CEP97: variants seen among roughly 807,000 people sequenced by gnomAD.
CEP97 encodes centrosomal protein 97.
In CEP97, 43 loss-of-function variants were observed where a neutral mutation model predicts 73.1. The ratio of observed to expected loss-of-function variants is 0.59; its 90% CI spans 0.46 to 0.76. The LOEUF is 0.76. Ranked by LOEUF, CEP97 falls within the 30% of genes least tolerant of loss-of-function variation. CEP97 has a pLI of 0.00. For synonymous variants in CEP97, 337 were observed against 370.0 expected, an observed-to-expected ratio of 0.91 and a Z score of 1.02; for missense variants, 939 against 1,014.0, an observed-to-expected ratio of 0.93 and a Z score of 1.00.
intron 6 of CEP97, among the ~76,000 whole-genome samples, chr3:101,754,166 G>A (rs1031868843): frequency 6.8e-6 from 1 of 146,848 alleles, no homozygotes; most frequent in Non-Finnish European, 1.5e-5. Context: ...GGGATTACAA[G>A]CATAAGCCAC....
chr3:101,760,042 A>AAAAAG (rs1939128311), intron 9 of CEP97, among the ~76,000 whole-genome samples: 1 of 137,574 alleles, frequency 7.3e-6, no homozygotes, highest in Non-Finnish European at 1.6e-5. Flanking sequence ...AAAAAAAAAA[A>AAAAAG]AAAAGAGGAA....
chr3:101,730,379 C>G (rs974051559), intron 4 of CEP97, among the ~76,000 whole-genome samples: 1 of 152,094 alleles, frequency 6.6e-6, no homozygotes, highest in Non-Finnish European at 1.5e-5. Flanking sequence ...GATTCTCCTG[C>G]CTCAGCCTCC....
chr3:101,757,792 T>A lies in CEP97; in HGVS notation c.1186T>A (p.Cys396Ser), dbSNP rs113563380. 8.7e-5 allele frequency: 141 copies of A among 1,614,254 alleles called. 1 individual carries two copies. The East Asian group carries it at 2.9e-3, about 33-fold the overall frequency. The change falls in exon 9 of 11, where the codon TGT (cysteine) becomes AGT (serine). Residue 396 changes from cysteine to serine, a missense_variant. Physicochemically the swap from Cys to Ser is moderately radical, Grantham distance 112. Transcript: ENST00000341893. ...ACAGACGGATGAGGACAAGTTAAAC[T>A]GTAGTCTTCTCTCTTCAGAGTCTAC... is the stretch of plus-strand genomic sequence containing the variant. Reference protein sequence around the residue: ...DIQTDEDKLNCSLLSSESTFM... With the variant: ...DIQTDEDKLNSSLLSSESTFM...
chr3:101,734,760 A>C (rs1338787518), intron 6 of CEP97, among the ~76,000 whole-genome samples: 1 of 152,162 alleles, frequency 6.6e-6, no homozygotes. Flanking sequence ...TACTTGGATA[A>C]TCCTCTGTAC....
At chr3:101,731,451 T>C (rs921873239) in intron 4 of CEP97, among the ~76,000 whole-genome samples, 3 of 152,146 alleles carry the variant, frequency 2.0e-5, no homozygotes, top group African/African-American at 4.8e-5. Context: ...TCTTCCCTCC[T>C]TGGCCTCCCA....
chr3:101,758,707 T>C (rs1298310491), intron 9 of CEP97: 1 of 328,246 alleles, frequency 3.0e-6, no homozygotes, highest in Non-Finnish European at 5.6e-6. Context: ...ATTCTAAACA[T>C]AGAAAGGTAC....
Position 101,757,978 on chromosome 3 carries a change from G to C in CEP97, c.1372G>C (p.Ala458Pro), listed in dbSNP as rs759943094. 7.4e-6 allele frequency: 12 copies of C among 1,614,090 alleles called. No individual in the cohort carries two copies. Among genetic ancestry groups the C allele is most frequent in the Non-Finnish European group, 9.3e-6 (11 of 1,180,036 alleles). Residue 458 changes from alanine to proline, a missense_variant, in exon 9 of 11, where the codon GCT (alanine) becomes CCT (proline). Coordinates refer to ENST00000341893, the MANE Select transcript of CEP97 (RefSeq NM_024548.4). ...LDKEEEQPLW[A>P]ANENSVQMMR... ...TAAGGAAGAGGAACAGCCTTTATGGGCTGCAAATGAGAATTCTGTTCAAAT... is the reference window on the plus strand; with the variant it reads ...TAAGGAAGAGGAACAGCCTTTATGGCCTGCAAATGAGAATTCTGTTCAAAT...
chr3:101,762,563 A>C lies in CEP97; in HGVS notation c.1893+3A>C. The C allele has an allele frequency of 6.2e-7, 1 of 1,604,550 alleles. No individual in the cohort carries two copies. The highest frequency in any genetic ancestry group is 8.5e-7 in the Non-Finnish European group (1 of 1,174,188). On this transcript the variant is annotated splice_donor_region_variant and intron_variant, in intron 10 of 10. Transcript: ENST00000341893. The stretch of plus-strand genomic sequence containing the variant: ...CTTTCAGATTCCTTTGGAACCAGGT[A>C]AACTCCCTCCTGCTGATTTACCTCA...
intron 6 of CEP97, among the ~76,000 whole-genome samples, chr3:101,743,832 G>A (rs1560013445): frequency 6.6e-6 from 1 of 151,888 alleles, no homozygotes; most frequent in African/African-American, 2.4e-5. Flanking sequence ...GAGAAACCCC[G>A]CTCTATTAAA....
intron 1 of CEP97, 114 bp from the exon 2 acceptor site, chr3:101,726,480 C>G (rs1937891659): frequency 3.1e-6 from 2 of 640,086 alleles, no homozygotes; most frequent in Non-Finnish European, 4.9e-6. Context: ...TTATTATGCT[C>G]TACTGTTCTT....
At chr3:101,742,628 T>G (rs1348134268) in intron 6 of CEP97, among the ~76,000 whole-genome samples, 1 of 151,790 alleles carries the variant, frequency 6.6e-6, no homozygotes, top group East Asian at 1.9e-4. Context: ...GAGAAATACC[T>G]AATGTAGGTG....
Position 101,752,791 on chromosome 3 carries a change from TC to T in CEP97, c.729-2638del, listed in dbSNP as rs544055995. Among the ~76,000 whole-genome samples, 183 of 152,330 alleles carry T rather than the reference TC, an allele frequency of 1.2e-3. 4 individuals carry two copies. In the South Asian group the frequency reaches 0.016, roughly 13 times the overall value. ...TGTATTGATTATTCTAGTTATACAT[TC>T]GTCTAAATTTTTTTCAAAGTTTTTA... On this transcript the variant is annotated intron_variant, in intron 6 of 10. Coordinates refer to ENST00000341893, the MANE Select transcript of CEP97 (RefSeq NM_024548.4).
intron 3 of CEP97, among the ~76,000 whole-genome samples, chr3:101,728,161 G>C (rs1308294936): frequency 6.6e-6 from 1 of 152,100 alleles, no homozygotes; most frequent in African/African-American, 2.4e-5. Context: ...CTAGGAAGTT[G>C]CAGGGCCAGA....
chr3:101,747,304 G>C (rs1490681477), intron 6 of CEP97, among the ~76,000 whole-genome samples: 1 of 147,746 alleles, frequency 6.8e-6, no homozygotes, highest in African/African-American at 2.5e-5. Flanking sequence ...CTGTCGCCCA[G>C]GTTGGAGTGC....
At chr3:101,737,621 T>G (rs981825998) in intron 6 of CEP97, among the ~76,000 whole-genome samples, 4 of 152,114 alleles carry the variant, frequency 2.6e-5, no homozygotes, top group Non-Finnish European at 5.9e-5. Flanking sequence ...AATAAAATCC[T>G]TTACACACAA....
chr3:101,735,779 C>T (rs1477466733), intron 6 of CEP97, among the ~76,000 whole-genome samples: 1 of 152,198 alleles, frequency 6.6e-6, no homozygotes, highest in Non-Finnish European at 1.5e-5. Context: ...GGCCGTTGGG[C>T]AGACACCAAG....
chr3:101,751,759 T>G (rs557278798), intron 6 of CEP97, among the ~76,000 whole-genome samples: 2 of 152,304 alleles, frequency 1.3e-5, no homozygotes, highest in Admixed American at 6.5e-5. Flanking sequence ...GTTTTCCATT[T>G]GCTTGGTAGA....
intron 1 of CEP97, 92 bp downstream of exon 1, chr3:101,724,811 T>C: frequency 7.5e-7 from 1 of 1,326,214 alleles, no homozygotes; most frequent in Non-Finnish European, 1.1e-6. Context: ...GATGTGCAGT[T>C]CTGGACCAGT....
At chr3:101,732,840 A>G (rs913257681) in intron 6 of CEP97, among the ~76,000 whole-genome samples, 186 bp downstream of exon 6, 2 of 152,116 alleles carry the variant, frequency 1.3e-5, no homozygotes, top group African/African-American at 4.8e-5. Context: ...AGAAATAAAT[A>G]TTGGCCTGGT....
Sources: allele counts gnomAD v4.1 joint callset (sites outside exome capture counted in the v4.1 genomes callset), GRCh38; gene constraint gnomAD v4.1.1; transcripts MANE v1.5; gene names NCBI Gene and HGNC (gene_info 2026-07-23, HGNC 2026-07-21).